The following PAFAH2 variants were observed in gnomAD, a reference collection of about 807,000 sequenced individuals.
The protein encoded by PAFAH2 is platelet activating factor acetylhydrolase 2.
PAFAH2 carries 42 observed loss-of-function variants against 49.0 expected under a neutral mutation model. That is an observed-to-expected ratio of 0.86 (90% confidence interval 0.67 to 1.11). The LOEUF (loss-of-function observed/expected upper bound fraction) is 1.11, where lower values mean the gene tolerates loss of function less well. Among genes scored for constraint, PAFAH2 ranks in the 50% least tolerant of loss-of-function variants. The probability of loss-of-function intolerance (pLI) is 0.00; values close to 1 mark genes in which losing one functional copy is unlikely to be tolerated. For synonymous variants in PAFAH2, 184 were observed against 181.3 expected (o/e 1.01, Z -0.12); for missense variants, 503 against 501.8 (o/e 1.00, Z -0.02).
chr1:25,996,247 C>T (rs1271620801), intron 1 of PAFAH2, among the ~76,000 whole-genome samples: 2 of 152,002 alleles, frequency 1.3e-5, no homozygotes, highest in Non-Finnish European at 2.9e-5. Context: ...CAACTGCAGT[C>T]CCAGTTACTC....
chr1:25,984,067 G>A lies in PAFAH2; in HGVS notation c.431C>T (p.Thr144Ile). Residue 144 changes from threonine to isoleucine, a missense_variant, in exon 6 of 11, where the codon ACC (threonine) becomes ATC (isoleucine). Coordinates refer to ENST00000374282, the MANE Select transcript of PAFAH2 (RefSeq NM_000437.4). ...TTCTGGGGCCTGCTTGCAGAAATAGGTGGTTGCCGCTGACCGGTCCCTGAA... is the reference window on the plus strand; with the variant it reads ...TTCTGGGGCCTGCTTGCAGAAATAGATGGTTGCCGCTGACCGGTCCCTGAA... ...PEHRDRSAAT[T>I]YFCKQAPEEN... The A allele has an allele frequency of 1.2e-6, 2 of 1,614,060 alleles. No individual in the cohort carries two copies. The highest frequency in any genetic ancestry group is 1.7e-6 in the Non-Finnish European group (2 of 1,179,978).
chr1:25,988,329 T>C lies in PAFAH2; in HGVS notation c.245-2A>G. The C allele has an allele frequency of 1.2e-6, 2 of 1,607,684 alleles. No homozygotes were observed. Among genetic ancestry groups the C allele is most frequent in the East Asian group, 4.5e-5 (2 of 44,602 alleles). ...AGCTAACAGGCAGGCGACAAGATCC[T>C]AGCAGAGACATGGGCTATAGAATAT... On this transcript the variant is annotated splice_acceptor_variant, in intron 3 of 10. Coordinates refer to ENST00000374282, the MANE Select transcript of PAFAH2 (RefSeq NM_000437.4). LOFTEE classifies it high-confidence loss of function.
chr1:25,996,353 A>C (rs1455675776), intron 1 of PAFAH2, among the ~76,000 whole-genome samples: 1 of 152,182 alleles, frequency 6.6e-6, no homozygotes, highest in Non-Finnish European at 1.5e-5. Flanking sequence ...TGACAGAGCG[A>C]GGTCTTGTCT....
intron 7 of PAFAH2, among the ~76,000 whole-genome samples, chr1:25,979,962 A>T (rs559340316): frequency 6.6e-6 from 1 of 152,294 alleles, no homozygotes; most frequent in Admixed American, 6.5e-5. Context: ...CTCAGTGCCC[A>T]GGGCACCTCC....
At position 25,984,097 on chromosome 1, in the gene PAFAH2, A is replaced by T; in HGVS notation, c.411-10T>A. On this transcript the variant is annotated splice_polypyrimidine_tract_variant and intron_variant, in intron 5 of 10. Coordinates refer to ENST00000374282, the MANE Select transcript of PAFAH2 (RefSeq NM_000437.4). Reference sequence around the variant, plus strand: ...TGCCGCTGACCGGTCCCTGAAATACACACATCATCAGAGAGAAACCAGAAA... The same window carrying T: ...TGCCGCTGACCGGTCCCTGAAATACTCACATCATCAGAGAGAAACCAGAAA... 6.2e-7 allele frequency: 1 copy of T among 1,613,816 alleles called. No individual in the cohort carries two copies.
At chr1:25,987,706 C>G (rs1002823888) in intron 4 of PAFAH2, among the ~76,000 whole-genome samples, 8 of 133,520 alleles carry the variant, frequency 6.0e-5, no homozygotes, top group African/African-American at 2.1e-4. Flanking sequence ...ACAGTGAGAT[C>G]TCGTCCCTGA....
rs767272140 is a variant in PAFAH2, at chr1:25,982,346, T to C, written c.666+18A>G. ...ACCCTGAATACTGGGCTCTAGGTCA[T>C]ACCAATTGCTTCCATACCTTCAAAG... On this transcript the variant is annotated intron_variant, in intron 7 of 10. Transcript: ENST00000374282. 21 of 1,568,376 alleles carry C rather than the reference T, an allele frequency of 1.3e-5. No individual in the cohort carries two copies. The South Asian group carries it at 2.2e-4, about 17-fold the overall frequency.
intron 6 of PAFAH2, among the ~76,000 whole-genome samples, chr1:25,983,697 C>T (rs2049731228): frequency 6.6e-6 from 1 of 152,124 alleles, no homozygotes; most frequent in South Asian, 2.1e-4. Flanking sequence ...TCCAATTGTC[C>T]TTCTCTTCCT....
rs1265001561 is a variant in PAFAH2, at chr1:25,965,012, T to C, written c.1085-2929A>G. Among the ~76,000 whole-genome samples, 3 of 152,190 alleles carry C rather than the reference T, an allele frequency of 2.0e-5. No individual in the cohort carries two copies. In the East Asian group the frequency reaches 5.8e-4, roughly 29 times the overall value. On this transcript the variant is annotated intron_variant, in intron 10 of 10. Coordinates refer to ENST00000374282, the MANE Select transcript of PAFAH2 (RefSeq NM_000437.4). ...CATCACATGACCCAACTTCAAATTA[T>C]ACTACAAGGTTATAGTAACCAAAAG...
At chr1:25,997,946 A>C (rs1488126574) in intron 1 of PAFAH2, 79 bp downstream of exon 1, 1 of 152,272 alleles carries the variant, frequency 6.6e-6, no homozygotes, top group African/African-American at 2.4e-5. Flanking sequence ...AGAGACGCCG[A>C]GGCCCCAAAC....
At chr1:25,982,565 C>T in intron 6 of PAFAH2, 88 bp from the exon 7 acceptor site, 2 of 1,015,528 alleles carry the variant, frequency 2.0e-6, no homozygotes, top group East Asian at 2.6e-5. Flanking sequence ...AGGAAGAATG[C>T]ACAGATAGTC....
chr1:25,989,330 G>T, intron 3 of PAFAH2, 118 bp downstream of exon 3: 1 of 896,458 alleles, frequency 1.1e-6, no homozygotes, highest in Non-Finnish European at 1.6e-6. Context: ...CTGGCTAATG[G>T]ATGCCCCTTA....
At chr1:25,980,382 G>A (rs532547223) in intron 7 of PAFAH2, among the ~76,000 whole-genome samples, 73 of 151,800 alleles carry the variant, frequency 4.8e-4, no homozygotes, top group African/African-American at 1.6e-3. Flanking sequence ...GAGTACAATG[G>A]CGCGATCTTG....
chr1:25,990,870 G>A lies in PAFAH2; in HGVS notation c.-47-7C>T. The A allele has an allele frequency of 2.8e-6, 4 of 1,437,684 alleles. No individual in the cohort carries two copies. Among genetic ancestry groups the A allele is most frequent in the Non-Finnish European group, 3.9e-6 (4 of 1,021,780 alleles). The allele number at this position is 1,437,684 out of a possible 1,614,324, so 89.1% of individuals were successfully genotyped here. ...CCGGAGCTGAACTTGCTGGCTGGAT[G>A]GGGGAACACAGAACAGCAGCCGCTT... On this transcript the variant is annotated splice_polypyrimidine_tract_variant and splice_region_variant and intron_variant, in intron 1 of 10. Coordinates refer to ENST00000374282, the MANE Select transcript of PAFAH2 (RefSeq NM_000437.4).
At chr1:25,979,727 T>C (rs1353867714) in intron 7 of PAFAH2, among the ~76,000 whole-genome samples, 1 of 152,034 alleles carries the variant, frequency 6.6e-6, no homozygotes, top group African/African-American at 2.4e-5. Context: ...TGACCTAAGG[T>C]GGTCCGCCCG....
chr1:25,989,640 C>A, intron 2 of PAFAH2, 39 bp from the exon 3 acceptor site: 2 of 1,417,946 alleles, frequency 1.4e-6, no homozygotes, highest in Non-Finnish European at 1.9e-6. Flanking sequence ...GAGCAAGGAG[C>A]CCAGGCTAGA....
At chr1:25,972,467 C>T in intron 10 of PAFAH2, 91 bp downstream of exon 10, 1 of 1,400,208 alleles carries the variant, frequency 7.1e-7, no homozygotes, top group Non-Finnish European at 9.8e-7. Context: ...AATCTCCTTC[C>T]CAGATCCCAG....
Position 25,961,592 on chromosome 1 carries a change from T to C in PAFAH2, c.*397A>G, listed in dbSNP as rs2049338631. ...GCTAGAGTCTCTGAAGGTAGGGATT[T>C]TCATTCTGTCCTTTGGCTTCATCTC... On this transcript the variant is annotated 3_prime_UTR_variant, in exon 11 of 11. Coordinates refer to ENST00000374282, the MANE Select transcript of PAFAH2 (RefSeq NM_000437.4). 6.3e-6 allele frequency: 1 copy of C among 159,552 alleles called. No homozygotes were observed. Among genetic ancestry groups the C allele is most frequent in the East Asian group, 1.8e-4 (1 of 5,502 alleles). 9.9% of individuals were successfully genotyped at this position (159,552 alleles called of 1,614,324 possible).
At chr1:25,965,210 T>C (rs975997727) in intron 10 of PAFAH2, among the ~76,000 whole-genome samples, 1 of 152,130 alleles carries the variant, frequency 6.6e-6, no homozygotes, top group Non-Finnish European at 1.5e-5. Flanking sequence ...TGGATAGCCA[T>C]ATGAAGAAGA....
Sources: gnomAD v4.1 joint callset for allele counts (sites outside exome capture counted in the v4.1 genomes callset) on GRCh38, gnomAD v4.1.1 for gene constraint, MANE v1.5 for transcripts, NCBI Gene and HGNC (gene_info 2026-07-23, HGNC 2026-07-21) for gene names.